The following FERRY3 variants were observed in gnomAD, a reference collection of about 807,000 sequenced individuals.
FERRY3 encodes the protein FERRY endosomal RAB5 effector complex subunit 3.
chr12:4,500,200 A>T, the FERRY3 span: 2 of 1,614,154 alleles, frequency 1.2e-6, no homozygotes, highest in Non-Finnish European at 1.7e-6. Context: ...TGGGTACAGC[A>T]AACTTTGAGT....
chr12:4,518,648 AG>A, the FERRY3 span: 1 of 616,948 alleles, frequency 1.6e-6, no homozygotes, highest in Non-Finnish European at 2.6e-6. Context: ...GCTTGAGCCC[AG>A]GGGTTCAAGA....
chr12:4,495,207 T>C, the FERRY3 span, among the ~76,000 whole-genome samples: 1 of 152,182 alleles, frequency 6.6e-6, no homozygotes, highest in Non-Finnish European at 1.5e-5. Context: ...GACCTACTTA[T>C]TCACTTACGT....
At chr12:4,525,034 AAAC>A in the FERRY3 span, 1 of 475,322 alleles carries the variant, frequency 2.1e-6, no homozygotes, top group South Asian at 3.9e-5. Flanking sequence ...CTAGAACATA[AAAC>A]TAAAGTTCTA....
the FERRY3 span, among the ~76,000 whole-genome samples, chr12:4,506,036 G>A: frequency 0.017 from 2,518 of 151,716 alleles, 74 homozygotes; most frequent in African/African-American, 0.058. Flanking sequence ...TTGAAGGCAC[G>A]CTATTTCTTA....
At chr12:4,530,028 G>A in the FERRY3 span, 1 of 1,612,586 alleles carries the variant, frequency 6.2e-7, no homozygotes, top group Non-Finnish European at 8.5e-7. Flanking sequence ...GGGTTCTTCA[G>A]GCCTTGCATG....
At chr12:4,500,411 G>C in the FERRY3 span, 1 of 1,380,652 alleles carries the variant, frequency 7.2e-7, no homozygotes, top group East Asian at 2.4e-5. Context: ...GGCTTTATAA[G>C]TAAGTGTAAT....
the FERRY3 span, among the ~76,000 whole-genome samples, chr12:4,508,499 C>T: frequency 6.6e-6 from 1 of 152,196 alleles, no homozygotes; most frequent in African/African-American, 2.4e-5. Context: ...AATCCCAGCA[C>T]TTTGGGAGGC....
At chr12:4,498,881 T>G in the FERRY3 span, among the ~76,000 whole-genome samples, 8 of 152,210 alleles carry the variant, frequency 5.3e-5, no homozygotes, top group African/African-American at 1.9e-4. Context: ...TATGACAGTC[T>G]AATGTGGCTG....
chr12:4,500,308 A>G, the FERRY3 span: 2 of 1,614,028 alleles, frequency 1.2e-6, no homozygotes, highest in Non-Finnish European at 1.7e-6. Flanking sequence ...TGGATTTCTG[A>G]GAGATTAGAA....
the FERRY3 span, among the ~76,000 whole-genome samples, chr12:4,511,309 C>T: frequency 6.6e-6 from 1 of 151,504 alleles, no homozygotes; most frequent in Non-Finnish European, 1.5e-5. Flanking sequence ...TAACACCCCA[C>T]TGTCAACATT....
At chr12:4,516,753 G>A in the FERRY3 span, among the ~76,000 whole-genome samples, 3 of 152,076 alleles carry the variant, frequency 2.0e-5, no homozygotes, top group African/African-American at 7.2e-5. Flanking sequence ...TAGACGATGG[G>A]CTTAATACCT....
At chr12:4,524,520 A>G in the FERRY3 span, among the ~76,000 whole-genome samples, 3 of 152,202 alleles carry the variant, frequency 2.0e-5, no homozygotes, top group African/African-American at 7.2e-5. Flanking sequence ...CAACGAAAAA[A>G]AAAAAAGACA....
At chr12:4,517,926 T>G in the FERRY3 span, 166 of 655,656 alleles carry the variant, frequency 2.5e-4, 1 homozygote, top group South Asian at 4.1e-5. Context: ...TATGGCTGGG[T>G]ATGTTTGTTT....
chr12:4,536,206 G>C, the FERRY3 span: 1 of 1,535,816 alleles, frequency 6.5e-7, no homozygotes, highest in Non-Finnish European at 8.8e-7. Context: ...TTCTTTGACA[G>C]GATTTCTACA....
At chr12:4,525,222 C>G in the FERRY3 span, 1 of 1,601,600 alleles carries the variant, frequency 6.2e-7, no homozygotes, top group Non-Finnish European at 8.5e-7. Context: ...CAATGGACTA[C>G]TATATGAATA....
the FERRY3 span, chr12:4,536,244 A>T: frequency 1.6e-6 from 2 of 1,267,990 alleles, no homozygotes; most frequent in Non-Finnish European, 2.1e-6. Context: ...GTAGGTTATA[A>T]GTCCATAAAG....
the FERRY3 span, among the ~76,000 whole-genome samples, chr12:4,532,444 AACCT>A: frequency 6.6e-6 from 1 of 152,082 alleles, no homozygotes; most frequent in Non-Finnish European, 1.5e-5. Context: ...TTCTCTAATA[AACCT>A]ACCTTTCTTT....
At chr12:4,526,715 G>A in the FERRY3 span, among the ~76,000 whole-genome samples, 3 of 151,818 alleles carry the variant, frequency 2.0e-5, no homozygotes, top group Non-Finnish European at 2.9e-5. Flanking sequence ...GGTAGCGGGC[G>A]CCTGTAATCC....
At chr12:4,490,083 T>A in the FERRY3 span, among the ~76,000 whole-genome samples, 1 of 152,172 alleles carries the variant, frequency 6.6e-6, no homozygotes, top group East Asian at 1.9e-4. Context: ...TCCGGCTCCA[T>A]CTTCTGAGAA....
Sources: gnomAD v4.1 joint callset for allele counts (sites outside exome capture counted in the v4.1 genomes callset) on GRCh38, gnomAD v4.1.1 for gene constraint, MANE v1.5 for transcripts, NCBI Gene and HGNC (gene_info 2026-07-23, HGNC 2026-07-21) for gene names.